The following LAT2 variants were observed in gnomAD, a reference collection of about 807,000 sequenced individuals.
The protein encoded by LAT2 is linker for activation of T-cells family member 2.
A neutral mutation model predicts 43.4 loss-of-function variants in LAT2; 23 were observed. The observed-to-expected ratio is 0.53, with a 90% CI of 0.38 to 0.75. The LOEUF (loss-of-function observed/expected upper bound fraction) is 0.75. LAT2 is among the 30% of genes least tolerant of loss of function. The probability of loss-of-function intolerance (pLI) is 0.00; values close to 1 mark genes in which losing one functional copy is unlikely to be tolerated. For synonymous variants in LAT2, 128 were observed against 123.2 expected, an observed-to-expected ratio of 1.04 and a Z score of -0.26; for missense variants, 284 against 310.2, an observed-to-expected ratio of 0.92 and a Z score of 0.64.
intron 13 of LAT2, chr7:74,225,505 C>G (rs986948945): frequency 6.6e-6 from 1 of 152,364 alleles, no homozygotes; most frequent in African/African-American, 2.4e-5. Context: ...GTGGCTGAGA[C>G]GCGCTGAGGA....
At position 74,220,431 on chromosome 7, in the gene LAT2, G is replaced by C; in HGVS notation, c.266-153G>C. On this transcript the variant is annotated intron_variant, in intron 7 of 13. Coordinates refer to ENST00000460943, the MANE Select transcript of LAT2 (RefSeq NM_032464.3). This position sits in a 1 kb window ranked among gnomAD's most constrained non-coding sequence, Gnocchi z 4.5. The stretch of plus-strand genomic sequence containing the variant: ...CCTGGAATCGGCCTGGCAGGGGGAG[G>C]GTGCACACTCGCACATGCCCCACTG... 1 of 1,215,758 alleles carries C rather than the reference G, an allele frequency of 8.2e-7. No individual in the cohort carries two copies. The highest frequency in any genetic ancestry group is 1.2e-6 in the Non-Finnish European group (1 of 844,394). 75.3% of individuals were successfully genotyped at this position (1,215,758 alleles called of 1,614,324 possible).
Position 74,220,580 on chromosome 7 carries a change from C to T in LAT2, c.266-4C>T. ...GAAAGCAATTAGCTGGGTCTTTCTT[C>T]CAGATCCAGCATCTTCCAGGTACCA... On this transcript the variant is annotated splice_region_variant and splice_polypyrimidine_tract_variant and intron_variant, in intron 7 of 13. Transcript: ENST00000460943. The surrounding 1 kb of genome is among the most constrained non-coding windows in gnomAD (Gnocchi z 4.5). 6.2e-7 allele frequency: 1 copy of T among 1,613,996 alleles called. No individual in the cohort carries two copies. The highest frequency in any genetic ancestry group is 8.5e-7 in the Non-Finnish European group (1 of 1,179,938).
At chr7:74,216,758 G>A (rs41272153) in intron 3 of LAT2, 67 bp from the exon 4 acceptor site, 28,181 of 1,358,150 alleles carry the variant, frequency 0.021, 335 homozygotes, top group Non-Finnish European at 0.024. Flanking sequence ...AAGACATGGC[G>A]GGGGGTGTCT....
rs1261682458 is a variant in LAT2, at chr7:74,229,472, GGGTGGGGCCCTGGCTCTCTTCCCCTTT to G, written c.*554_*580del. On this transcript the variant is annotated 3_prime_UTR_variant, in exon 14 of 14. Coordinates refer to ENST00000460943, the MANE Select transcript of LAT2 (RefSeq NM_032464.3). ...TGTAGTTTATTTCAGCATCCTTGTTGGGTGGGGCCCTGGCTCTCTTCCCCTTTGGTGGGACCTCCCCTTTCTTTGGGC... is the reference window on the plus strand; with the variant it reads ...TGTAGTTTATTTCAGCATCCTTGTTGGGTGGGACCTCCCCTTTCTTTGGGC... 1 of 152,694 alleles carries G rather than the reference GGGTGGGGCCCTGGCTCTCTTCCCCTTT, an allele frequency of 6.5e-6. No homozygotes were observed. The highest frequency in any genetic ancestry group is 6.5e-5 in the Admixed American group (1 of 15,276). 9.5% of individuals were successfully genotyped at this position (152,694 alleles called of 1,614,324 possible). A position where few individuals can be genotyped will look rare whatever the true frequency, so the allele number is the denominator to read the frequency against.
intron 4 of LAT2, among the ~76,000 whole-genome samples, chr7:74,219,411 G>T (rs76516435): frequency 1.3e-5 from 2 of 152,242 alleles, no homozygotes; most frequent in East Asian, 3.9e-4. Flanking sequence ...CCTGTCCACA[G>T]ACCCCTCCTG....
intron 13 of LAT2, chr7:74,226,120 G>A (rs1162077364): frequency 6.6e-6 from 1 of 151,174 alleles, no homozygotes; most frequent in Non-Finnish European, 1.5e-5. Flanking sequence ...AACATAGCAA[G>A]ACCTCTCTCT....
intron 4 of LAT2, among the ~76,000 whole-genome samples, chr7:74,218,915 C>T (rs1284123519): frequency 2.1e-5 from 3 of 144,302 alleles, no homozygotes; most frequent in Admixed American, 7.2e-5. Context: ...TCAGGCTGGT[C>T]TTGAACTCCC....
At chr7:74,216,635 C>G (rs1050662626) in intron 3 of LAT2, among the ~76,000 whole-genome samples, 190 bp from the exon 4 acceptor site, 33 of 152,138 alleles carry the variant, frequency 2.2e-4, no homozygotes, top group African/African-American at 7.2e-4. Context: ...GCCCAAAGTG[C>G]TGGAATTACA....
intron 11 of LAT2, 79 bp downstream of exon 11, chr7:74,223,862 G>C: frequency 6.6e-7 from 1 of 1,512,514 alleles, no homozygotes; most frequent in South Asian, 1.1e-5. Flanking sequence ...ACTCCCCACT[G>C]CTCAAAGGCC....
In LAT2 at chr7:74,219,979, A is replaced by C; in HGVS notation, c.198A>C (p.Pro66=). The C allele has an allele frequency of 6.2e-7, 1 of 1,613,668 alleles. No homozygotes were observed. The highest frequency in any genetic ancestry group is 1.7e-4 in the Middle Eastern group (1 of 6,022). Residue 66 remains proline (P), a synonymous_variant, in exon 6 of 14, where the codon CCA becomes CCC. Coordinates refer to ENST00000460943, the MANE Select transcript of LAT2 (RefSeq NM_032464.3). The part of the protein sequence containing the change: ...RTYSLVGQAW[P]GPLADMAPTR... ...TTGTAGTGGTCGGGCAGGCATGGCC[A>C]GGACCCCTGGCGGACATGGCACCCA...
chr7:74,214,123 T>A (rs1424010521), intron 1 of LAT2, among the ~76,000 whole-genome samples: 1 of 60,516 alleles, frequency 1.7e-5, no homozygotes, highest in African/African-American at 7.8e-5. Flanking sequence ...AAAATATATA[T>A]ATAAATATAT....
Position 74,214,203 on chromosome 7 carries a change from AATATATATGAAAAT to A in LAT2, c.-218-598_-218-585del, listed in dbSNP as rs1261911447. The stretch of plus-strand genomic sequence containing the variant: ...AAATATATATAAATATATATATGAA[AATATATATGAAAAT>A]ATATATATGAAAATATATATGAAAA... On this transcript the variant is annotated intron_variant, in intron 1 of 13. Coordinates refer to ENST00000460943, the MANE Select transcript of LAT2 (RefSeq NM_032464.3). Among the ~76,000 whole-genome samples the A allele has an allele frequency of 1.7e-3, 151 of 87,952 alleles. 1 individual carries two copies. Among genetic ancestry groups the A allele is most frequent in the Non-Finnish European group, 2.5e-3 (121 of 48,368 alleles). The allele number at this position is 87,952 out of a possible 152,430, so 57.7% of individuals were successfully genotyped here. A position where few individuals can be genotyped will look rare whatever the true frequency, so the allele number is the denominator to read the frequency against.
chr7:74,220,911 G>C lies in LAT2; in HGVS notation c.332+177G>C, dbSNP rs1802248182. Among the ~76,000 whole-genome samples the C allele has an allele frequency of 6.6e-6, 1 of 152,116 alleles. No homozygotes were observed. Among genetic ancestry groups the C allele is most frequent in the Non-Finnish European group, 1.5e-5 (1 of 68,018 alleles). ...GTTCCCCTCCTTCTCCTGGCAGGCA[G>C]GCATTGGGCGACACTGTTGTCTCTT... On this transcript the variant is annotated intron_variant, in intron 9 of 13. Transcript: ENST00000460943. The surrounding 1 kb of genome is among the most constrained non-coding windows in gnomAD (Gnocchi z 4.5).
intron 9 of LAT2, among the ~76,000 whole-genome samples, chr7:74,221,327 A>T (rs564328073): frequency 6.7e-6 from 1 of 149,098 alleles, no homozygotes; most frequent in Non-Finnish European, 1.5e-5. Flanking sequence ...ATGCAGGAGA[A>T]TCGCTTGAAC....
chr7:74,227,053 TTC>T (rs1405988012), intron 13 of LAT2, among the ~76,000 whole-genome samples: 1 of 137,048 alleles, frequency 7.3e-6, no homozygotes, highest in Non-Finnish European at 1.6e-5. Context: ...AGGTTGTTTT[TTC>T]TTTTTTTTTT....
At chr7:74,222,525 C>T (rs1802327910) in intron 10 of LAT2, among the ~76,000 whole-genome samples, 1 of 151,998 alleles carries the variant, frequency 6.6e-6, no homozygotes, top group South Asian at 2.1e-4. Flanking sequence ...CTGGACCATA[C>T]TGGGTAGGAC....
chr7:74,224,560 G>T, intron 12 of LAT2, 79 bp from the exon 13 acceptor site: 1 of 1,251,256 alleles, frequency 8.0e-7, no homozygotes, highest in Non-Finnish European at 1.1e-6. Context: ...TGTGGAGTCT[G>T]GGGGTCTGAG....
chr7:74,214,252 A>AATATATATATGAAAATATATATATG (rs1801879292), intron 1 of LAT2, among the ~76,000 whole-genome samples: 1 of 68,554 alleles, frequency 1.5e-5, no homozygotes, highest in African/African-American at 6.0e-5. Flanking sequence ...ATATATATAT[A>AATATATATATGAAAATATATATATG]AATATATATA....
At chr7:74,224,275 G>C (rs1180266441) in intron 12 of LAT2, 78 bp downstream of exon 12, 2 of 1,479,320 alleles carry the variant, frequency 1.4e-6, no homozygotes, top group African/African-American at 2.7e-5. Context: ...CAGGCTGAAA[G>C]TGGGCTTCCC....
Sources: allele counts gnomAD v4.1 joint callset (sites outside exome capture counted in the v4.1 genomes callset), GRCh38; gene constraint gnomAD v4.1.1; non-coding constraint Gnocchi (gnomAD v3.1); transcripts MANE v1.5; gene names NCBI Gene and HGNC (gene_info 2026-07-23, HGNC 2026-07-21).